The following CEP250 variants were observed in gnomAD, a reference collection of about 807,000 sequenced individuals.
The protein encoded by CEP250 is centrosome-associated protein CEP250.
A neutral mutation model predicts 315.7 loss-of-function variants in CEP250; 242 were observed. The observed-to-expected ratio is 0.77, with a 90% CI of 0.69 to 0.85. CEP250 has a LOEUF of 0.85. Among genes scored for constraint, CEP250 ranks in the 40% least tolerant of loss-of-function variants. The pLI, the probability that CEP250 is intolerant of heterozygous loss-of-function variation, is 0.00. For missense variants in CEP250, 2,515 were observed against 2,886.4 expected, an observed-to-expected ratio of 0.87 and a Z score of 2.95; for synonymous variants, 1,088 against 1,175.0, an observed-to-expected ratio of 0.93 and a Z score of 1.51.
rs918758772 is a variant in CEP250, at chr20:35,469,956, A to G, written c.918A>G (p.Ile306Met). 1.7e-5 allele frequency: 27 copies of G among 1,613,562 alleles called. No homozygotes were observed. The highest frequency in any genetic ancestry group is 4.0e-5 in the African/African-American group (3 of 74,896). Residue 306 changes from isoleucine to methionine, a missense_variant, in exon 10 of 35, where the codon ATA becomes ATG. By Grantham distance (10) the Ile-to-Met change is conservative (BLOSUM62 1). Coordinates refer to ENST00000397527, the MANE Select transcript of CEP250 (RefSeq NM_007186.6). ...QKQNEDYEKM[I>M]KALRETVEIL... ...AAAATGAAGATTATGAAAAGATGATAAAGGCTCTGAGAGAGACAGTGGAGA... is the reference window on the plus strand; with the variant it reads ...AAAATGAAGATTATGAAAAGATGATGAAGGCTCTGAGAGAGACAGTGGAGA...
At chr20:35,458,794 A>T (rs763713550) in intron 2 of CEP250, among the ~76,000 whole-genome samples, 6 of 152,092 alleles carry the variant, frequency 3.9e-5, no homozygotes, top group Admixed American at 1.3e-4. Context: ...TTGTTTTAAT[A>T]AATTTTAGTT....
chr20:35,511,587 A>T lies in CEP250; in HGVS notation c.7290A>T (p.Leu2430=). 6.2e-7 allele frequency: 1 copy of T among 1,613,330 alleles called. No homozygotes were observed. Among genetic ancestry groups the T allele is most frequent in the Non-Finnish European group, 8.5e-7 (1 of 1,179,872 alleles). Residue 2430 remains leucine (L), a synonymous_variant, in exon 35 of 35, where the codon CTA becomes CTT. Coordinates refer to ENST00000397527, the MANE Select transcript of CEP250 (RefSeq NM_007186.6). ...QSLTSPGPVL[L]HPSPSTTQAA... ...TGACATCCCCAGGGCCAGTCCTGCT[A>T]CACCCCAGCCCCAGCACTACCCAAG... is the stretch of plus-strand genomic sequence containing the variant.
intron 3 of CEP250, among the ~76,000 whole-genome samples, chr20:35,460,794 T>A (rs1360398612): frequency 6.6e-6 from 1 of 152,260 alleles, no homozygotes; most frequent in Non-Finnish European, 1.5e-5. Flanking sequence ...CACTGATTTG[T>A]CATCTCTGGC....
rs2064126811 is a variant in CEP250 at position 35,504,532 on chromosome 20, C to A, written c.6163C>A (p.Gln2055Lys). The A allele has an allele frequency of 2.5e-6, 4 of 1,613,830 alleles. No individual in the cohort carries two copies. In the Admixed American group the frequency reaches 5.0e-5, roughly 20 times the overall value. ...AQRDEELRHQ[Q>K]EREQLLEKSL... ...GAGGGATGAAGAGCTGAGACATCAG[C>A]AGGAACGGGAGCAGCTGCTGGAGAA... Residue 2055 changes from glutamine to lysine, a missense_variant, in exon 30 of 35, where the codon CAG (glutamine) becomes AAG (lysine). By Grantham distance (53) the Gln-to-Lys change is moderately conservative. Transcript: ENST00000397527.
At chr20:35,476,418 ATG>A in intron 15 of CEP250, 29 bp from the exon 16 acceptor site, 6 of 1,597,532 alleles carry the variant, frequency 3.8e-6, no homozygotes. Flanking sequence ...AATTGGAAAT[ATG>A]AAACTCTTTA....
Position 35,504,227 on chromosome 20 carries a change from G to T in CEP250, c.5858G>T (p.Arg1953Leu). Residue 1953 changes from arginine (R) to leucine (L), a missense_variant, in exon 30 of 35, where the codon CGG becomes CTG. By Grantham distance (102) the Arg-to-Leu change is moderately radical. Transcript: ENST00000397527. ...EALRAESQSS[R>L]HQEEAARARA... ...CTGCGGGCAGAAAGTCAGTCCTCCC[G>T]GCATCAGGAGGAGGCTGCCCGGGCC... The T allele has an allele frequency of 3.7e-6, 6 of 1,607,992 alleles. No homozygotes were observed. The highest frequency in any genetic ancestry group is 5.1e-6 in the Non-Finnish European group (6 of 1,177,506).
chr20:35,494,072 C>G (rs1601257101), intron 23 of CEP250, among the ~76,000 whole-genome samples: 1 of 152,244 alleles, frequency 6.6e-6, no homozygotes, highest in Middle Eastern at 3.4e-3. Context: ...ACTTCCCAAG[C>G]TCAAGCAATT....
chr20:35,472,734 T>G lies in CEP250; in HGVS notation c.1112T>G (p.Leu371Trp), dbSNP rs1182592818. Residue 371 changes from leucine to tryptophan, a missense_variant, in exon 12 of 35, where the codon TTG (leucine) becomes TGG (tryptophan). By Grantham distance (61) the Leu-to-Trp change is moderately conservative. Transcript: ENST00000397527. Reference protein sequence around the residue: ...QGSGHENSLELDSSIFSQFDY... With the variant: ...QGSGHENSLEWDSSIFSQFDY... ...TCTGGTCATGAGAACTCTTTGGAAT[T>G]GGACTCTAGTATCTTCTCCCAGTTT... 1 of 1,614,034 alleles carries G rather than the reference T, an allele frequency of 6.2e-7. No individual in the cohort carries two copies. The highest frequency in any genetic ancestry group is 1.3e-5 in the African/African-American group (1 of 74,930).
chr20:35,473,577 ACCC>A, intron 13 of CEP250, 25 bp downstream of exon 13: 1 of 1,575,738 alleles, frequency 6.3e-7, no homozygotes, highest in African/African-American at 1.4e-5. Flanking sequence ...TGTTCATCCC[ACCC>A]TCCCAGCCTG....
chr20:35,477,302 A>G (rs2063202110), intron 16 of CEP250, among the ~76,000 whole-genome samples: 1 of 152,018 alleles, frequency 6.6e-6, no homozygotes, highest in Non-Finnish European at 1.5e-5. Flanking sequence ...GAGCCACCAC[A>G]CTTGGCTGCC....
Position 35,473,403 on chromosome 20 carries a change from A to G in CEP250, c.1239A>G (p.Gln413=). The part of the protein sequence containing the change: ...QDLRQQLAGC[Q]EAVNLLQQQH... ...TAAGGCAGCAGCTTGCAGGCTGTCAAGAGGCTGTGAACTTGTTGCAACAGC... is the reference window on the plus strand; with the variant it reads ...TAAGGCAGCAGCTTGCAGGCTGTCAGGAGGCTGTGAACTTGTTGCAACAGC... Residue 413 remains glutamine, a synonymous_variant, in exon 13 of 35, where the codon CAA becomes CAG. Transcript: ENST00000397527. 1.9e-6 allele frequency: 3 copies of G among 1,613,974 alleles called. No individual in the cohort carries two copies. The highest frequency in any genetic ancestry group is 1.3e-5 in the African/African-American group (1 of 75,032).
At chr20:35,467,622 A>G in intron 9 of CEP250, 67 bp downstream of exon 9, 1 of 1,529,394 alleles carries the variant, frequency 6.5e-7, no homozygotes, top group Non-Finnish European at 8.8e-7. Flanking sequence ...AGGGTTAGGG[A>G]CAGGCAGGGG....
chr20:35,486,050 T>G (rs1367761113), intron 20 of CEP250, among the ~76,000 whole-genome samples: 1 of 151,088 alleles, frequency 6.6e-6, no homozygotes, highest in Non-Finnish European at 1.5e-5. Context: ...TTTTTTTTTT[T>G]TGAGACACAG....
chr20:35,508,005 C>T, intron 31 of CEP250, 30 bp from the exon 32 acceptor site: 1 of 1,613,788 alleles, frequency 6.2e-7, no homozygotes. Flanking sequence ...TAGGGGCTGC[C>T]CAGGTGAGAT....
At chr20:35,479,563 C>A in intron 18 of CEP250, 83 bp from the exon 19 acceptor site, 1 of 1,565,524 alleles carries the variant, frequency 6.4e-7, no homozygotes, top group Non-Finnish European at 8.7e-7. Flanking sequence ...CTCCAGGTAG[C>A]CAATACTTAG....
At chr20:35,480,366 T>G (rs2063312510) in intron 20 of CEP250, among the ~76,000 whole-genome samples, 1 of 152,158 alleles carries the variant, frequency 6.6e-6, no homozygotes. Flanking sequence ...TGTTGTTGTG[T>G]TGGTGTGTAC....
Position 35,503,338 on chromosome 20 carries a change from G to A in CEP250, c.4969G>A (p.Asp1657Asn), listed in dbSNP as rs368334375. Residue 1657 changes from aspartate to asparagine, a missense_variant, in exon 30 of 35, where the codon GAC becomes AAC. Coordinates refer to ENST00000397527, the MANE Select transcript of CEP250 (RefSeq NM_007186.6). The surrounding 1 kb of genome is among the most constrained non-coding windows in gnomAD (Gnocchi z 4.2). ...TCTGACTCAGGATCTCGAGAGGAGAGACCAGGAGCTGATGCTGCAGAAGGA... is the reference window on the plus strand; with the variant it reads ...TCTGACTCAGGATCTCGAGAGGAGAAACCAGGAGCTGATGCTGCAGAAGGA... ...EHLTQDLERR[D>N]QELMLQKERI... The A allele has an allele frequency of 8.1e-6, 13 of 1,614,040 alleles. No homozygotes were observed. The highest frequency in any genetic ancestry group is 1.1e-5 in the Non-Finnish European group (13 of 1,180,044).
At chr20:35,463,549 C>T (rs1411339714) in intron 4 of CEP250, 26 bp from the exon 5 acceptor site, 2 of 1,593,496 alleles carry the variant, frequency 1.3e-6, no homozygotes, top group South Asian at 2.3e-5. Flanking sequence ...GTGTTCATTG[C>T]CCAGGGCCTG....
At position 35,491,283 on chromosome 20, in the gene CEP250, A is replaced by G. The variant is rs1003497756; in HGVS notation, c.2826A>G (p.Ala942=). Residue 942 remains alanine, a synonymous_variant, in exon 22 of 35, where the codon GCA becomes GCG. Coordinates refer to ENST00000397527, the MANE Select transcript of CEP250 (RefSeq NM_007186.6). ...ETLLQTQKEL[A]DASQQLERLR... is the part of the protein sequence containing the mutation. ...TGCTGCAGACGCAGAAGGAGCTAGCAGATGCCAGCCAACAACTGGAACGAC... is the reference window on the plus strand; with the variant it reads ...TGCTGCAGACGCAGAAGGAGCTAGCGGATGCCAGCCAACAACTGGAACGAC... The G allele has an allele frequency of 6.2e-7, 1 of 1,606,298 alleles. No individual in the cohort carries two copies. Among genetic ancestry groups the G allele is most frequent in the South Asian group, 1.1e-5 (1 of 89,638 alleles).
Sources: gnomAD v4.1 joint callset for allele counts (sites outside exome capture counted in the v4.1 genomes callset) on GRCh38, gnomAD v4.1.1 for gene constraint, Gnocchi (gnomAD v3.1) non-coding constraint, MANE v1.5 for transcripts, NCBI Gene and HGNC (gene_info 2026-07-23, HGNC 2026-07-21) for gene names.